The following DCUN1D5 variants were observed in gnomAD, a reference collection of about 807,000 sequenced individuals.
DCUN1D5 encodes defective in cullin neddylation 1 domain containing 5, also known as DCN1-like protein 5.
A neutral mutation model predicts 38.3 loss-of-function variants in DCUN1D5; 10 were observed. That is an observed-to-expected ratio of 0.26 (90% CI 0.16 to 0.44). The LOEUF (loss-of-function observed/expected upper bound fraction) is 0.44. Ranked by LOEUF, DCUN1D5 falls within the 20% of genes least tolerant of loss-of-function variation. The pLI is 1.00. For synonymous variants in DCUN1D5, 93 were observed against 90.9 expected (o/e 1.02, Z -0.13); for missense variants, 148 against 275.3 (o/e 0.54, Z 3.27).
chr11:103,088,732 T>C (rs535882060), intron 2 of DCUN1D5, among the ~76,000 whole-genome samples: 1 of 152,356 alleles, frequency 6.6e-6, no homozygotes, highest in East Asian at 1.9e-4. Context: ...GATGGCTAAA[T>C]GATAATTGTT....
rs2509116 is a variant in DCUN1D5, at chr11:103,078,050, G to A, written c.341+4698C>T. On this transcript the variant is annotated intron_variant, in intron 4 of 7. Coordinates refer to ENST00000260247, the MANE Select transcript of DCUN1D5 (RefSeq NM_032299.4). The surrounding 1 kb of genome is among the most constrained non-coding windows in gnomAD (Gnocchi z 4.6). ...TATAAATGTTCCCTATTCCCCTCTC[G>A]CTAAGACGGTCAAGCCATGCCATTC... 1.3e-5 allele frequency among the ~76,000 whole-genome samples: 2 copies of A among 151,478 alleles called. No homozygotes were observed. Among genetic ancestry groups the A allele is most frequent in the South Asian group, 2.1e-4 (1 of 4,782 alleles).
In DCUN1D5 at chr11:103,062,463, C is replaced by T. The variant is rs1380951285; in HGVS notation, c.659-49G>A. On this transcript the variant is annotated intron_variant, in intron 7 of 7. Coordinates refer to ENST00000260247, the MANE Select transcript of DCUN1D5 (RefSeq NM_032299.4). The surrounding 1 kb of genome is among the most constrained non-coding windows in gnomAD (Gnocchi z 4.6). ...GTCAGAATTCAGTGAACTCATCTCTCCAATTATAAAACAAACTCCCCACGA... is the reference window on the plus strand; with the variant it reads ...GTCAGAATTCAGTGAACTCATCTCTTCAATTATAAAACAAACTCCCCACGA... 6.5e-7 allele frequency: 1 copy of T among 1,543,284 alleles called. No homozygotes were observed. Among genetic ancestry groups the T allele is most frequent in the South Asian group, 1.1e-5 (1 of 87,960 alleles).
Position 103,062,250 on chromosome 11 carries a change from G to A in DCUN1D5, c.*109C>T. On this transcript the variant is annotated 3_prime_UTR_variant, in exon 8 of 8. Transcript: ENST00000260247. This position sits in a 1 kb window ranked among gnomAD's most constrained non-coding sequence, Gnocchi z 4.6. Reference sequence around the variant, plus strand: ...AAAGGAAAAAAAAGTACTATGAGAAGTCTTTCATATGAATGAAAATGCACC... The same window carrying A: ...AAAGGAAAAAAAAGTACTATGAGAAATCTTTCATATGAATGAAAATGCACC... The A allele has an allele frequency of 1.9e-6, 2 of 1,054,766 alleles. No homozygotes were observed. Among genetic ancestry groups the A allele is most frequent in the Non-Finnish European group, 2.9e-6 (2 of 693,836 alleles). 65.3% of individuals were successfully genotyped at this position (1,054,766 alleles called of 1,614,324 possible). A position where few individuals can be genotyped will look rare whatever the true frequency, so the allele number is the denominator to read the frequency against.
rs1200876977 is a variant in DCUN1D5, at chr11:103,083,412, C to T, written c.179-86G>A. 7 of 657,612 alleles carry T rather than the reference C, an allele frequency of 1.1e-5. No individual in the cohort carries two copies. Among genetic ancestry groups the T allele is most frequent in the Non-Finnish European group, 1.9e-5 (7 of 378,170 alleles). The allele number at this position is 657,612 out of a possible 1,614,324, so 40.7% of individuals were successfully genotyped here. A position where few individuals can be genotyped will look rare whatever the true frequency, so the allele number is the denominator to read the frequency against. On this transcript the variant is annotated intron_variant, in intron 2 of 7. Transcript: ENST00000260247. The surrounding 1 kb of genome is among the most constrained non-coding windows in gnomAD (Gnocchi z 4.4). The stretch of plus-strand genomic sequence containing the variant: ...CATGCTAAAGGTACCCATGAACACA[C>T]CATAATATTTTGCAAATAATTAAAT...
intron 1 of DCUN1D5, among the ~76,000 whole-genome samples, chr11:103,090,820 G>A (rs1169829740): frequency 1.3e-5 from 2 of 152,198 alleles, no homozygotes; most frequent in Admixed American, 1.3e-4. Context: ...GCTGAGGCAG[G>A]AGAATCGCTT....
At position 103,062,528 on chromosome 11, in the gene DCUN1D5, G is replaced by GTGTT; in HGVS notation, c.659-118_659-115dup. The stretch of plus-strand genomic sequence containing the variant: ...GAGGAATGACCCTTCCTTTCTTTGG[G>GTGTT]TGTTCTGCTTCTAGACACCTTATTC... On this transcript the variant is annotated intron_variant, in intron 7 of 7. Transcript: ENST00000260247. This position sits in a 1 kb window ranked among gnomAD's most constrained non-coding sequence, Gnocchi z 4.6. 1.1e-6 allele frequency: 1 copy of GTGTT among 874,150 alleles called. No homozygotes were observed. The highest frequency in any genetic ancestry group is 2.5e-5 in the East Asian group (1 of 40,188). The allele number at this position is 874,150 out of a possible 1,614,324, so 54.1% of individuals were successfully genotyped here. A position where few individuals can be genotyped will look rare whatever the true frequency, so the allele number is the denominator to read the frequency against.
At position 103,061,768 on chromosome 11, in the gene DCUN1D5, G is replaced by C. The variant is rs1186354785; in HGVS notation, c.*591C>G. Among the ~76,000 whole-genome samples the C allele has an allele frequency of 1.3e-5, 2 of 151,988 alleles. No homozygotes were observed. The highest frequency in any genetic ancestry group is 2.9e-5 in the Non-Finnish European group (2 of 67,952). Reference sequence around the variant, plus strand: ...TCCAATTCTAAGCTCTCTGAGATAAGACATCTGCATAAGACCTTGGCAGCT... The same window carrying C: ...TCCAATTCTAAGCTCTCTGAGATAACACATCTGCATAAGACCTTGGCAGCT... On this transcript the variant is annotated 3_prime_UTR_variant, in exon 8 of 8. Transcript: ENST00000260247.
rs1012300466 is a variant in DCUN1D5, at chr11:103,071,142, T to G, written c.342-4575A>C. Among the ~76,000 whole-genome samples, 1 of 151,942 alleles carries G rather than the reference T, an allele frequency of 6.6e-6. No individual in the cohort carries two copies. The highest frequency in any genetic ancestry group is 1.5e-5 in the Non-Finnish European group (1 of 67,964). On this transcript the variant is annotated intron_variant, in intron 4 of 7. Coordinates refer to ENST00000260247, the MANE Select transcript of DCUN1D5 (RefSeq NM_032299.4). The surrounding 1 kb of genome is among the most constrained non-coding windows in gnomAD (Gnocchi z 4.1). ...TTAATCAACAATCTAAGCTTGTACC[T>G]CTAGAACCCAGAAAAAGAAAGGCAA...
chr11:103,050,824 A>T lies in DCUN1D5; in HGVS notation c.*11535T>A, dbSNP rs1231428573. 6.6e-6 allele frequency: 1 copy of T among 152,210 alleles called. No individual in the cohort carries two copies. Among genetic ancestry groups the T allele is most frequent in the Non-Finnish European group, 1.5e-5 (1 of 68,038 alleles). The allele number at this position is 152,210 out of a possible 1,614,324, so 9.4% of individuals were successfully genotyped here. A position where few individuals can be genotyped will look rare whatever the true frequency, so the allele number is the denominator to read the frequency against. ...CACAGTCCCTGCTCTCAAGGAGCTC[A>T]CAGTTAAGAAAACAGATATGTAAGT... On this transcript the variant is annotated 3_prime_UTR_variant, in exon 8 of 8. Coordinates refer to ENST00000260247, the MANE Select transcript of DCUN1D5 (RefSeq NM_032299.4).
chr11:103,061,103 T>A lies in DCUN1D5; in HGVS notation c.*1256A>T, dbSNP rs910711860. Among the ~76,000 whole-genome samples, 5 of 152,182 alleles carry A rather than the reference T, an allele frequency of 3.3e-5. No homozygotes were observed. Among genetic ancestry groups the A allele is most frequent in the Non-Finnish European group, 7.4e-5 (5 of 68,014 alleles). The stretch of plus-strand genomic sequence containing the variant: ...AAGCAAACAATAAAACACTTTAAAA[T>A]GTCATTCTCTTAGGTAATCAATATG... On this transcript the variant is annotated 3_prime_UTR_variant, in exon 8 of 8. Coordinates refer to ENST00000260247, the MANE Select transcript of DCUN1D5 (RefSeq NM_032299.4).
In DCUN1D5 at chr11:103,064,425, C is replaced by A; in HGVS notation, c.556-48G>T. ...TGTATTTAAATATTTAAACAAACAT[C>A]ATTTACTCAATTTAGTAAACTAAGT... is the stretch of plus-strand genomic sequence containing the variant. On this transcript the variant is annotated intron_variant, in intron 6 of 7. Transcript: ENST00000260247. This position sits in a 1 kb window ranked among gnomAD's most constrained non-coding sequence, Gnocchi z 4.5. 2 of 1,396,678 alleles carry A rather than the reference C, an allele frequency of 1.4e-6. No individual in the cohort carries two copies. The highest frequency in any genetic ancestry group is 2.0e-6 in the Non-Finnish European group (2 of 1,025,402). The allele number at this position is 1,396,678 out of a possible 1,614,324, so 86.5% of individuals were successfully genotyped here. A position where few individuals can be genotyped will look rare whatever the true frequency, so the allele number is the denominator to read the frequency against.
chr11:103,050,880 CTAA>C lies in DCUN1D5; in HGVS notation c.*11476_*11478del, dbSNP rs1172236216. The C allele has an allele frequency of 6.6e-6, 1 of 152,118 alleles. No homozygotes were observed. The highest frequency in any genetic ancestry group is 6.5e-5 in the Admixed American group (1 of 15,268). 9.4% of individuals were successfully genotyped at this position (152,118 alleles called of 1,614,324 possible). A position where few individuals can be genotyped will look rare whatever the true frequency, so the allele number is the denominator to read the frequency against. ...ACTGTAATATGGTGTTATCAGCACT[CTAA>C]TAAAAGTATATACAAGGTTAGTAGT... On this transcript the variant is annotated 3_prime_UTR_variant, in exon 8 of 8. Coordinates refer to ENST00000260247, the MANE Select transcript of DCUN1D5 (RefSeq NM_032299.4).
In DCUN1D5 at chr11:103,077,452, T is replaced by C. The variant is rs2134622783; in HGVS notation, c.341+5296A>G. On this transcript the variant is annotated intron_variant, in intron 4 of 7. Transcript: ENST00000260247. This position sits in a 1 kb window ranked among gnomAD's most constrained non-coding sequence, Gnocchi z 4.3. The stretch of plus-strand genomic sequence containing the variant: ...TACTATGGAAAGCAAGAGATAGTTT[T>C]CCAAATAACAACCAAATAAAACCAC... 6.6e-6 allele frequency among the ~76,000 whole-genome samples: 1 copy of C among 152,292 alleles called. No homozygotes were observed. The highest frequency in any genetic ancestry group is 2.1e-4 in the South Asian group (1 of 4,824).
chr11:103,070,590 T>C (rs774464571), intron 4 of DCUN1D5, among the ~76,000 whole-genome samples: 4 of 152,104 alleles, frequency 2.6e-5, no homozygotes, highest in Non-Finnish European at 2.9e-5. Context: ...ACTAAATGTG[T>C]GAAGTAGCAC....
intron 4 of DCUN1D5, among the ~76,000 whole-genome samples, chr11:103,067,675 T>G (rs1396308562): frequency 6.6e-6 from 1 of 152,184 alleles, no homozygotes; most frequent in Non-Finnish European, 1.5e-5. Flanking sequence ...TAACATAATT[T>G]CATTAATGTG....
intron 4 of DCUN1D5, among the ~76,000 whole-genome samples, chr11:103,081,334 T>C (rs1264283921): frequency 6.6e-6 from 1 of 152,236 alleles, no homozygotes; most frequent in Admixed American, 6.5e-5. Context: ...CACACTGAGT[T>C]GTATAAAACC....
At chr11:103,090,288 A>C (rs1317231151) in intron 1 of DCUN1D5, among the ~76,000 whole-genome samples, 1 of 152,244 alleles carries the variant, frequency 6.6e-6, no homozygotes, top group Non-Finnish European at 1.5e-5. Flanking sequence ...TCTTATAAAA[A>C]TGTGAGCTAC....
In DCUN1D5 at chr11:103,087,668, G is replaced by T. The variant is rs866339318; in HGVS notation, c.178+1559C>A. 6.6e-6 allele frequency among the ~76,000 whole-genome samples: 1 copy of T among 152,098 alleles called. No individual in the cohort carries two copies. Among genetic ancestry groups the T allele is most frequent in the African/African-American group, 2.4e-5 (1 of 41,424 alleles). ...CTGTCTCAAAAAATAAAGTCGTAGT[G>T]GGAGGTGGTGATAATACTACCTACT... On this transcript the variant is annotated intron_variant, in intron 2 of 7. Coordinates refer to ENST00000260247, the MANE Select transcript of DCUN1D5 (RefSeq NM_032299.4). This position sits in a 1 kb window ranked among gnomAD's most constrained non-coding sequence, Gnocchi z 4.1.
Position 103,090,728 on chromosome 11 carries a change from T to C in DCUN1D5, c.86+1059A>G, listed in dbSNP as rs569990715. Among the ~76,000 whole-genome samples the C allele has an allele frequency of 6.6e-5, 10 of 152,192 alleles. 1 individual carries two copies. The South Asian group carries it at 1.7e-3, about 25-fold the overall frequency. On this transcript the variant is annotated intron_variant, in intron 1 of 7. Coordinates refer to ENST00000260247, the MANE Select transcript of DCUN1D5 (RefSeq NM_032299.4). The stretch of plus-strand genomic sequence containing the variant: ...GAGTTCAAGACCAGCCTAGTCAACA[T>C]AGTGAAACCCCGTCTCTACTAAAAA...
Sources: allele counts gnomAD v4.1 joint callset (sites outside exome capture counted in the v4.1 genomes callset), GRCh38; gene constraint gnomAD v4.1.1; non-coding constraint Gnocchi (gnomAD v3.1); transcripts MANE v1.5; gene names NCBI Gene and HGNC (gene_info 2026-07-23, HGNC 2026-07-21).